TNIK: variants seen among roughly 807,000 people sequenced by gnomAD.
TNIK encodes TRAF2 and NCK interacting kinase, also known as TRAF2 and NCK-interacting protein kinase.
Under a neutral mutation model 191.3 loss-of-function variants are expected in TNIK, and 49 were observed. That is an observed-to-expected ratio of 0.26 (90% CI 0.20 to 0.32). TNIK has a LOEUF of 0.32. TNIK is among the 10% of genes least tolerant of loss of function. TNIK has a pLI of 1.00. For synonymous variants in TNIK, 594 were observed against 600.9 expected (o/e 0.99, Z 0.17); for missense variants, 1,155 against 1,702.3 (o/e 0.68, Z 5.66).
intron 18 of TNIK, among the ~76,000 whole-genome samples, chr3:171,112,799 A>T (rs1726044208): frequency 1.3e-5 from 2 of 150,664 alleles, no homozygotes; most frequent in Admixed American, 6.7e-5. Context: ...AGCTTCATTA[A>T]TTGTCTATTA....
rs550560346 is a variant in TNIK at position 171,242,067 on chromosome 3, T to C, written c.124-13846A>G. On this transcript the variant is annotated intron_variant, in intron 2 of 32. Coordinates refer to ENST00000436636, the MANE Select transcript of TNIK (RefSeq NM_015028.4). Reference sequence around the variant, plus strand: ...CATTAGGAGATACACCTAATGTAAATGACAAGTTAATGGGTGCAGCACACC... The same window carrying C: ...CATTAGGAGATACACCTAATGTAAACGACAAGTTAATGGGTGCAGCACACC... Among the ~76,000 whole-genome samples, 35 of 151,208 alleles carry C rather than the reference T, an allele frequency of 2.3e-4. No individual in the cohort carries two copies. In the East Asian group the frequency reaches 6.4e-3, roughly 28 times the overall value.
chr3:171,278,734 A>G lies in TNIK; in HGVS notation c.124-50513T>C, dbSNP rs574422830. 1.1e-4 allele frequency among the ~76,000 whole-genome samples: 16 copies of G among 151,320 alleles called. No individual in the cohort carries two copies. In the South Asian group the frequency reaches 3.3e-3, roughly 31 times the overall value. On this transcript the variant is annotated intron_variant, in intron 2 of 32. Transcript: ENST00000436636. ...ATGTATTAAGAATTAATATCAAACA[A>G]TCATACCTCTTAGCATTAGCTAGTT... is the stretch of plus-strand genomic sequence containing the variant.
intron 8 of TNIK, among the ~76,000 whole-genome samples, chr3:171,176,149 T>G (rs1735928473): frequency 1.3e-5 from 2 of 152,198 alleles, no homozygotes; most frequent in Admixed American, 1.3e-4. Flanking sequence ...GGGCAGAAGT[T>G]TATTTTTAGC....
chr3:171,233,753 A>T (rs1312778043), intron 2 of TNIK, among the ~76,000 whole-genome samples: 1 of 152,172 alleles, frequency 6.6e-6, no homozygotes, highest in Admixed American at 6.5e-5. Flanking sequence ...CACAGCAGGC[A>T]CTCAGCAAAT....
chr3:171,454,839 G>A (rs1728606862), intron 1 of TNIK, among the ~76,000 whole-genome samples: 1 of 152,132 alleles, frequency 6.6e-6, no homozygotes, highest in Non-Finnish European at 1.5e-5. Context: ...TCACCAGAAA[G>A]TTTTAAATAC....
At chr3:171,264,111 C>CACACATATAT (rs1257639293) in intron 2 of TNIK, among the ~76,000 whole-genome samples, 2 of 61,042 alleles carry the variant, frequency 3.3e-5, no homozygotes, top group South Asian at 9.6e-4. Context: ...CACACACACA[C>CACACATATAT]ATATATATAT....
chr3:171,330,679 A>G (rs754153130), intron 2 of TNIK, among the ~76,000 whole-genome samples: 1 of 152,028 alleles, frequency 6.6e-6, no homozygotes, highest in Non-Finnish European at 1.5e-5. Flanking sequence ...GCGGCCAAAA[A>G]CCTTCTTGGG....
chr3:171,347,306 C>G, intron 2 of TNIK: 1 of 1,395,536 alleles, frequency 7.2e-7, no homozygotes, highest in East Asian at 2.5e-5. Flanking sequence ...TCTTTGACAG[C>G]CAAGCTAGTT....
At chr3:171,287,680 A>G (rs1315989766) in intron 2 of TNIK, among the ~76,000 whole-genome samples, 1 of 152,228 alleles carries the variant, frequency 6.6e-6, no homozygotes, top group Admixed American at 6.5e-5. Context: ...AATTTCATTT[A>G]GTATTTTATT....
chr3:171,259,098 AAGAG>A (rs1167546459), intron 2 of TNIK, among the ~76,000 whole-genome samples: 7 of 149,910 alleles, frequency 4.7e-5, no homozygotes, highest in East Asian at 3.9e-4. Context: ...TGTTTTATAT[AAGAG>A]AGAGAGAGAG....
At chr3:171,332,739 T>C (rs1273811617) in intron 2 of TNIK, among the ~76,000 whole-genome samples, 1 of 152,172 alleles carries the variant, frequency 6.6e-6, no homozygotes, top group Non-Finnish European at 1.5e-5. Context: ...TGACTGAGGA[T>C]AAGAAAGGCT....
chr3:171,410,495 C>A (rs1001281519), intron 1 of TNIK, among the ~76,000 whole-genome samples: 1 of 152,092 alleles, frequency 6.6e-6, no homozygotes, highest in Non-Finnish European at 1.5e-5. Flanking sequence ...AAGACTTTGC[C>A]TGGGCTGGGC....
chr3:171,455,370 A>G (rs1363848779), intron 1 of TNIK, among the ~76,000 whole-genome samples: 1 of 150,786 alleles, frequency 6.6e-6, no homozygotes, highest in African/African-American at 2.4e-5. Context: ...CAGTCTCCCA[A>G]TTAGCTGGGA....
intron 2 of TNIK, among the ~76,000 whole-genome samples, chr3:171,363,985 T>C (rs911606058): frequency 3.9e-5 from 6 of 152,236 alleles, no homozygotes; most frequent in African/African-American, 1.2e-4. Flanking sequence ...ATGGAAATCC[T>C]AAAATAAATG....
At chr3:171,230,080 C>T (rs1743432940) in intron 2 of TNIK, among the ~76,000 whole-genome samples, 1 of 152,152 alleles carries the variant, frequency 6.6e-6, no homozygotes, top group Non-Finnish European at 1.5e-5. Context: ...CCATCCCAAG[C>T]AGCATTTAGA....
At chr3:171,205,708 A>G (rs891363250) in intron 4 of TNIK, among the ~76,000 whole-genome samples, 2 of 152,044 alleles carry the variant, frequency 1.3e-5, no homozygotes, top group African/African-American at 4.8e-5. Flanking sequence ...GTCAGATCCC[A>G]TCCCCCTCAC....
intron 2 of TNIK, among the ~76,000 whole-genome samples, chr3:171,249,030 G>A (rs191191686): frequency 6.6e-5 from 10 of 152,292 alleles, no homozygotes; most frequent in East Asian, 3.9e-4. Context: ...TGAAAGTAAC[G>A]GTTTTATTTT....
At chr3:171,234,297 C>G (rs556548321) in intron 2 of TNIK, among the ~76,000 whole-genome samples, 1 of 152,282 alleles carries the variant, frequency 6.6e-6, no homozygotes, top group South Asian at 2.1e-4. Context: ...TAAGTCTTCC[C>G]CAGGTTAAAT....
At chr3:171,436,151 C>A (rs900381314) in intron 1 of TNIK, among the ~76,000 whole-genome samples, 10 of 152,220 alleles carry the variant, frequency 6.6e-5, no homozygotes, top group Non-Finnish European at 1.3e-4. Flanking sequence ...CCACTTCCCT[C>A]CATCTTCCCC....
Sources: gnomAD v4.1 joint callset for allele counts (sites outside exome capture counted in the v4.1 genomes callset) on GRCh38, gnomAD v4.1.1 for gene constraint, MANE v1.5 for transcripts, NCBI Gene and HGNC (gene_info 2026-07-23, HGNC 2026-07-21) for gene names.